The following HEXB variants were observed in gnomAD, a reference collection of about 807,000 sequenced individuals.
HEXB encodes the protein hexosaminidase subunit beta.
HEXB carries 51 observed loss-of-function variants against 71.2 expected under a neutral mutation model. The ratio of observed to expected loss-of-function variants is 0.72; its 90% CI spans 0.57 to 0.90. The LOEUF is 0.90. Ranked by LOEUF, HEXB falls within the 40% of genes least tolerant of loss-of-function variation. The pLI, the probability that HEXB is intolerant of heterozygous loss-of-function variation, is 0.00. For missense variants in HEXB, 617 were observed against 677.0 expected (o/e 0.91, Z 0.98); for synonymous variants, 266 against 249.3 (o/e 1.07, Z -0.63).
chr5:74,705,487 T>A, intron 6 of HEXB, 167 bp downstream of exon 6: 3 of 613,342 alleles, frequency 4.9e-6, no homozygotes, highest in Non-Finnish European at 8.7e-6. Flanking sequence ...TCCATAAAAC[T>A]TTTTTTGTTA....
intron 1 of HEXB, among the ~76,000 whole-genome samples, chr5:74,657,921 C>T (rs148056258): frequency 1.3e-5 from 2 of 152,274 alleles, no homozygotes; most frequent in South Asian, 2.1e-4. Flanking sequence ...GTCCACTTTC[C>T]GATTCAAGCT....
intron 5 of HEXB, among the ~76,000 whole-genome samples, chr5:74,701,272 AC>A (rs1042743067): frequency 2.0e-5 from 3 of 152,108 alleles, no homozygotes; most frequent in African/African-American, 7.2e-5. Flanking sequence ...CTCCTCTACA[AC>A]AAGGATATAA....
At chr5:74,702,312 T>C (rs1156901388) in intron 5 of HEXB, among the ~76,000 whole-genome samples, 6 of 151,668 alleles carry the variant, frequency 4.0e-5, no homozygotes, top group African/African-American at 1.5e-4. Context: ...TCTCCTGACC[T>C]CGTGATCCGC....
intron 6 of HEXB, among the ~76,000 whole-genome samples, chr5:74,706,766 G>A (rs1749405320): frequency 6.6e-6 from 1 of 152,138 alleles, no homozygotes; most frequent in Admixed American, 6.5e-5. Flanking sequence ...CATTGCCCAG[G>A]CTTGCTTAGG....
At chr5:74,667,204 C>T (rs780773768) in intron 1 of HEXB, among the ~76,000 whole-genome samples, 6 of 151,892 alleles carry the variant, frequency 4.0e-5, no homozygotes, top group South Asian at 2.1e-4. Flanking sequence ...CACCTGAGGT[C>T]GGGAGTTCGA....
intron 6 of HEXB, among the ~76,000 whole-genome samples, chr5:74,710,063 G>C (rs558173428): frequency 6.6e-6 from 1 of 152,102 alleles, no homozygotes; most frequent in African/African-American, 2.4e-5. Flanking sequence ...ACCAAATCCA[G>C]CAGCACATCA....
At chr5:74,681,227 T>C (rs1183691710), upstream of HEXB, among the ~76,000 whole-genome samples, 1 of 152,184 alleles carries the variant, frequency 6.6e-6, no homozygotes, top group African/African-American at 2.4e-5. Flanking sequence ...CTAATGGAGC[T>C]CAACAAGGTG....
intron 1 of HEXB, among the ~76,000 whole-genome samples, chr5:74,664,430 T>TAAAAAAAAAAAAAAAAA (rs397998152): frequency 1.3e-5 from 1 of 79,634 alleles, no homozygotes; most frequent in African/African-American, 4.7e-5. Flanking sequence ...ATTCTATCTC[T>TAAAAAAAAAAAAAAAAA]AAAAAAAAAA....
chr5:74,714,814 C>T (rs776240820), intron 7 of HEXB, among the ~76,000 whole-genome samples: 1 of 152,154 alleles, frequency 6.6e-6, no homozygotes, highest in Non-Finnish European at 1.5e-5. Flanking sequence ...AGAGGTAAAT[C>T]TGGAAAAGCA....
intron 1 of HEXB, among the ~76,000 whole-genome samples, chr5:74,664,138 C>T (rs1748386647): frequency 6.6e-6 from 1 of 152,040 alleles, no homozygotes; most frequent in Admixed American, 6.5e-5. Context: ...TGCCTGTAAT[C>T]CGAGCTACTT....
intron 1 of HEXB, among the ~76,000 whole-genome samples, chr5:74,672,818 C>G (rs1346571531): frequency 1.3e-5 from 2 of 152,170 alleles, no homozygotes; most frequent in Non-Finnish European, 2.9e-5. Flanking sequence ...ATATACAAGA[C>G]AAATCGTAGA....
intron 1 of HEXB, among the ~76,000 whole-genome samples, chr5:74,670,573 G>A (rs1181660277): frequency 6.6e-6 from 1 of 152,196 alleles, no homozygotes; most frequent in Non-Finnish European, 1.5e-5. Flanking sequence ...AGTAGCAGCA[G>A]GGCCAAGCCA....
At chr5:74,698,256 T>C (rs1347756567) in intron 5 of HEXB, among the ~76,000 whole-genome samples, 2 of 151,554 alleles carry the variant, frequency 1.3e-5, no homozygotes, top group Non-Finnish European at 2.9e-5. Flanking sequence ...TTTGCATTTT[T>C]AGTAGAGACG....
At chr5:74,720,358 A>C (rs1256497953) in intron 11 of HEXB, 70 bp from the exon 12 acceptor site, 4 of 1,159,418 alleles carry the variant, frequency 3.5e-6, no homozygotes, top group Non-Finnish European at 5.2e-6. Flanking sequence ...GAGGAAACAA[A>C]TCTTGATGAA....
chr5:74,644,764 CTTTTTT>C (rs3058406), intron 1 of HEXB, among the ~76,000 whole-genome samples: 66 of 72,948 alleles, frequency 9.0e-4, no homozygotes, highest in African/African-American at 1.9e-3. Context: ...CTTTTTTTTC[CTTTTTT>C]TTTTTTTTTT....
At chr5:74,698,853 AT>A (rs1265953208) in intron 5 of HEXB, among the ~76,000 whole-genome samples, 1 of 152,052 alleles carries the variant, frequency 6.6e-6, no homozygotes, top group Non-Finnish European at 1.5e-5. Flanking sequence ...ATTGACATAC[AT>A]TTTTATGTGC....
intron 6 of HEXB, among the ~76,000 whole-genome samples, chr5:74,713,202 C>T (rs1416719795): frequency 6.6e-6 from 1 of 152,116 alleles, no homozygotes; most frequent in African/African-American, 2.4e-5. Flanking sequence ...CTGCGGTTAG[C>T]CCAAAGTATA....
intron 1 of HEXB, among the ~76,000 whole-genome samples, chr5:74,648,190 CTG>C (rs1271101076): frequency 2.6e-5 from 4 of 152,208 alleles, no homozygotes; most frequent in Non-Finnish European, 4.4e-5. Context: ...TAAAAGCACT[CTG>C]AAACTGAAGA....
rs776536464 is a variant in HEXB at position 74,716,573 on chromosome 5, A to C, written c.1083-14A>C. 4.5e-5 allele frequency: 69 copies of C among 1,543,254 alleles called. No homozygotes were observed. Among genetic ancestry groups the C allele is most frequent in the Non-Finnish European group, 4.0e-5 (45 of 1,118,876 alleles). On this transcript the variant is annotated splice_polypyrimidine_tract_variant and intron_variant, in intron 8 of 13. Transcript: ENST00000261416. ...TCAAACTTCTAATGAAATTTTAATC[A>C]CTTTTTGCTTCAGGGAATCAAATCC...
Sources: gnomAD v4.1 joint callset for allele counts (sites outside exome capture counted in the v4.1 genomes callset) on GRCh38, gnomAD v4.1.1 for gene constraint, MANE v1.5 for transcripts, NCBI Gene and HGNC (gene_info 2026-07-23, HGNC 2026-07-21) for gene names.